PDE3A: variants seen among roughly 807,000 people sequenced by gnomAD.
PDE3A encodes phosphodiesterase 3A.
Under a neutral mutation model 98.3 loss-of-function variants are expected in PDE3A, and 43 were observed. That is an observed-to-expected ratio of 0.44 (90% confidence interval 0.34 to 0.56). The LOEUF (loss-of-function observed/expected upper bound fraction) is 0.56. Among genes scored for constraint, PDE3A ranks in the 20% least tolerant of loss-of-function variants. PDE3A has a pLI of 0.01. For synonymous variants in PDE3A, 663 were observed against 567.9 expected (o/e 1.17, Z -2.38); for missense variants, 1,427 against 1,440.7 (o/e 0.99, Z 0.15).
chr12:20,413,221 CT>C, intron 1 of PDE3A, among the ~76,000 whole-genome samples: 1 of 152,258 alleles, frequency 6.6e-6, no homozygotes, highest in South Asian at 2.1e-4. Context: ...TAAACAAAGA[CT>C]TGAAAGTTGA....
chr12:20,553,651 G>C (rs1469667680), intron 1 of PDE3A, among the ~76,000 whole-genome samples: 1 of 151,938 alleles, frequency 6.6e-6, no homozygotes, highest in Non-Finnish European at 1.5e-5. Context: ...CTCTGCCCAC[G>C]AGAGCAGGGA....
At chr12:20,472,033 A>C (rs888647015) in intron 1 of PDE3A, among the ~76,000 whole-genome samples, 1 of 152,152 alleles carries the variant, frequency 6.6e-6, no homozygotes, top group African/African-American at 2.4e-5. Context: ...AGGCAGCTAC[A>C]TCCCCACCCT....
chr12:20,535,364 C>T (rs1941721996), intron 1 of PDE3A, among the ~76,000 whole-genome samples: 1 of 152,130 alleles, frequency 6.6e-6, no homozygotes, highest in African/African-American at 2.4e-5. Context: ...AATTATAGCA[C>T]CTACCCATTC....
In PDE3A at chr12:20,552,882, C is replaced by A; in HGVS notation, c.961-3778C>A. 3 of 1,612,854 alleles carry A rather than the reference C, an allele frequency of 1.9e-6. No homozygotes were observed. Among genetic ancestry groups the A allele is most frequent in the Non-Finnish European group, 2.5e-6 (3 of 1,179,380 alleles). ...TGTGCAAGGACTGCCTGGACAGATC[C>A]TTTCGGGCACAGGTGTTCAGCTGCC... On this transcript the variant is annotated intron_variant, in intron 1 of 15. Transcript: ENST00000359062. The surrounding 1 kb of genome is among the most constrained non-coding windows in gnomAD (Gnocchi z 5.1).
chr12:20,466,892 G>T (rs1945348847), intron 1 of PDE3A, among the ~76,000 whole-genome samples: 1 of 152,110 alleles, frequency 6.6e-6, no homozygotes, highest in South Asian at 2.1e-4. Context: ...GAGATCTTCA[G>T]TGTGTGCTTA....
At chr12:20,408,716 A>G (rs1033153311) in intron 1 of PDE3A, among the ~76,000 whole-genome samples, 2 of 152,252 alleles carry the variant, frequency 1.3e-5, no homozygotes, top group Non-Finnish European at 2.9e-5. Context: ...AGGAAAATAT[A>G]TAATCCTGAG....
In PDE3A at chr12:20,634,853, C is replaced by T. The variant is rs180987751; in HGVS notation, c.1847-49C>T. ...TAGCAAAATTTGCTTAAATGAGCCC[C>T]CTTTCCCCATTGTAGATCTTGTAAT... On this transcript the variant is annotated intron_variant, in intron 7 of 15. Coordinates refer to ENST00000359062, the MANE Select transcript of PDE3A (RefSeq NM_000921.5). 296 of 1,462,962 alleles carry T rather than the reference C, an allele frequency of 2.0e-4. No individual in the cohort carries two copies. In the African/African-American group the frequency reaches 3.8e-3, roughly 19 times the overall value. The allele number at this position is 1,462,962 out of a possible 1,614,324, so 90.6% of individuals were successfully genotyped here. A position where few individuals can be genotyped will look rare whatever the true frequency, so the allele number is the denominator to read the frequency against.
chr12:20,566,964 A>G (rs1163808695), intron 2 of PDE3A, among the ~76,000 whole-genome samples: 2 of 151,960 alleles, frequency 1.3e-5, no homozygotes, highest in East Asian at 3.9e-4. Flanking sequence ...TATATGCACA[A>G]TTATTGCATT....
intron 1 of PDE3A, among the ~76,000 whole-genome samples, chr12:20,474,952 T>C (rs540561604): frequency 6.6e-6 from 1 of 152,260 alleles, no homozygotes; most frequent in South Asian, 2.1e-4. Flanking sequence ...ACATAGAAGA[T>C]AAATTTATCT....
chr12:20,526,137 G>A (rs1946513077), intron 1 of PDE3A, among the ~76,000 whole-genome samples: 1 of 152,146 alleles, frequency 6.6e-6, no homozygotes, highest in African/African-American at 2.4e-5. Context: ...GTGGTGACAT[G>A]GACATCACAC....
chr12:20,651,528 AAGTT>A (rs1363770475), intron 14 of PDE3A, among the ~76,000 whole-genome samples: 1 of 152,220 alleles, frequency 6.6e-6, no homozygotes, highest in Non-Finnish European at 1.5e-5. Context: ...TTCATAAAAA[AAGTT>A]AGATCCCTCT....
intron 1 of PDE3A, among the ~76,000 whole-genome samples, chr12:20,404,570 T>C (rs1205203873): frequency 6.6e-6 from 1 of 152,182 alleles, no homozygotes; most frequent in East Asian, 1.9e-4. Flanking sequence ...AACTTTTTTA[T>C]TGATTTATTG....
chr12:20,673,898 C>G (rs1339235733), intron 15 of PDE3A, among the ~76,000 whole-genome samples: 1 of 151,852 alleles, frequency 6.6e-6, no homozygotes, highest in African/African-American at 2.4e-5. Context: ...TGCACTGAAT[C>G]CATACATTGC....
chr12:20,537,579 C>T (rs1304668236), intron 1 of PDE3A, among the ~76,000 whole-genome samples: 1 of 151,954 alleles, frequency 6.6e-6, no homozygotes, highest in African/African-American at 2.4e-5. Context: ...CCAAACCGTG[C>T]TCTGTGGTAC....
rs1252896224 is a variant in PDE3A, at chr12:20,654,129, T to C, written c.3108T>C (p.Thr1036=). ...AAGACAGCGATGAGTCAGGAGATAC[T>C]GATGACCCAGAAGAAGAGGAGGAAG... The part of the protein sequence containing the change: ...WVEDSDESGD[T]DDPEEEEEEA... The change falls in exon 15 of 16, where the codon ACT becomes ACC. Residue 1036 remains threonine, a synonymous_variant. Coordinates refer to ENST00000359062, the MANE Select transcript of PDE3A (RefSeq NM_000921.5). 1 of 1,614,022 alleles carries C rather than the reference T, an allele frequency of 6.2e-7. No individual in the cohort carries two copies. Among genetic ancestry groups the C allele is most frequent in the Non-Finnish European group, 8.5e-7 (1 of 1,179,872 alleles).
At chr12:20,412,778 G>C (rs749512655) in intron 1 of PDE3A, among the ~76,000 whole-genome samples, 2 of 152,096 alleles carry the variant, frequency 1.3e-5, no homozygotes, top group Non-Finnish European at 1.5e-5. Context: ...TGAGTGGGAG[G>C]GATGATTTTT....
At chr12:20,538,684 G>T (rs758163081) in intron 1 of PDE3A, among the ~76,000 whole-genome samples, 10 of 152,140 alleles carry the variant, frequency 6.6e-5, no homozygotes, top group Non-Finnish European at 8.8e-5. Flanking sequence ...TACTACTTGT[G>T]TATTCAACAG....
At chr12:20,581,645 C>T (rs1943069436) in intron 2 of PDE3A, among the ~76,000 whole-genome samples, 3 of 142,460 alleles carry the variant, frequency 2.1e-5, no homozygotes, top group Admixed American at 7.4e-5. Context: ...CGGAGTCTCG[C>T]TCTGTCGCCC....
intron 3 of PDE3A, among the ~76,000 whole-genome samples, chr12:20,615,206 G>T (rs1943975096): frequency 6.6e-6 from 1 of 151,504 alleles, no homozygotes; most frequent in East Asian, 1.9e-4. Flanking sequence ...GCCTGGCCCA[G>T]TTTAACTTTT....
Sources: gnomAD v4.1 joint callset for allele counts (sites outside exome capture counted in the v4.1 genomes callset) on GRCh38, gnomAD v4.1.1 for gene constraint, Gnocchi (gnomAD v3.1) non-coding constraint, MANE v1.5 for transcripts, NCBI Gene and HGNC (gene_info 2026-07-23, HGNC 2026-07-21) for gene names.